Variants in SLC15A1 observed in about 807,000 individuals in gnomAD.
SLC15A1 encodes the protein Caco-2 oligopeptide transporter.
Under a neutral mutation model 92.9 loss-of-function variants are expected in SLC15A1, and 83 were observed. That is an observed-to-expected ratio of 0.89 (90% CI 0.75 to 1.07). The LOEUF is 1.07. Among genes scored for constraint, SLC15A1 ranks in the 50% least tolerant of loss-of-function variants. The pLI, the probability that SLC15A1 is intolerant of heterozygous loss-of-function variation, is 0.00. For synonymous variants in SLC15A1, 322 were observed against 318.2 expected (o/e 1.01, Z -0.13); for missense variants, 857 against 880.1 (o/e 0.97, Z 0.33).
chr13:98,700,565 T>G (rs575828312), intron 18 of SLC15A1, among the ~76,000 whole-genome samples: 2 of 151,788 alleles, frequency 1.3e-5, no homozygotes, highest in East Asian at 3.9e-4. Flanking sequence ...AAGTTTTTCT[T>G]CTATAGATTG....
chr13:98,695,810 A>G (rs1410252288), intron 18 of SLC15A1, among the ~76,000 whole-genome samples: 4 of 152,168 alleles, frequency 2.6e-5, no homozygotes, highest in East Asian at 1.9e-4. Flanking sequence ...TTTTGCTTAA[A>G]ATAGTATATA....
intron 8 of SLC15A1, among the ~76,000 whole-genome samples, chr13:98,718,199 GTTGCCAT>G (rs1356290782): frequency 6.6e-6 from 1 of 151,354 alleles, no homozygotes; most frequent in African/African-American, 2.4e-5. Context: ...ACTGAACCAG[GTTGCCAT>G]TTCTTCAAGC....
At chr13:98,716,886 G>A (rs1298756300) in intron 8 of SLC15A1, among the ~76,000 whole-genome samples, 2 of 151,968 alleles carry the variant, frequency 1.3e-5, no homozygotes, top group Non-Finnish European at 2.9e-5. Context: ...AAATAACTTA[G>A]AAAAAAACCA....
chr13:98,687,679 T>C lies in SLC15A1; in HGVS notation c.1729A>G (p.Asn577Asp). The C allele has an allele frequency of 1.2e-6, 2 of 1,614,174 alleles. No individual in the cohort carries two copies. The highest frequency in any genetic ancestry group is 1.1e-5 in the South Asian group (1 of 91,080). Residue 577 changes from asparagine (N) to aspartate (D), a missense_variant, in exon 21 of 23, where the codon AAC becomes GAC. Transcript: ENST00000376503. Reference protein sequence around the residue: ...EVKVFEDISANTVNMALQIPQ... With the variant: ...EVKVFEDISADTVNMALQIPQ... ...ATTTGCAGAGCCATGTTAACTGTGTTGGCTGAAATATCTTCAAACACCTTC... is the reference window on the plus strand; with the variant it reads ...ATTTGCAGAGCCATGTTAACTGTGTCGGCTGAAATATCTTCAAACACCTTC...
chr13:98,692,601 G>C (rs2087989220), intron 18 of SLC15A1, among the ~76,000 whole-genome samples: 1 of 152,028 alleles, frequency 6.6e-6, no homozygotes, highest in South Asian at 2.1e-4. Flanking sequence ...CCGTAATTTT[G>C]GTCAACATGG....
intron 1 of SLC15A1, among the ~76,000 whole-genome samples, chr13:98,729,771 C>T (rs571918635): frequency 1.6e-4 from 24 of 152,214 alleles, no homozygotes; most frequent in Non-Finnish European, 2.6e-4. Flanking sequence ...ACTCCCTTCC[C>T]GACCCTGACC....
Position 98,715,873 on chromosome 13 carries a change from C to A in SLC15A1, c.723+5G>T. ...GCCTTGAGAAAGAGCAGCTGAGATA[C>A]TTACACCGATGCACTTGGCCACTTT... is the stretch of plus-strand genomic sequence containing the variant. On this transcript the variant is annotated splice_donor_5th_base_variant and intron_variant, in intron 9 of 22. Transcript: ENST00000376503. The A allele has an allele frequency of 6.2e-7, 1 of 1,613,014 alleles. No individual in the cohort carries two copies. The highest frequency in any genetic ancestry group is 8.5e-7 in the Non-Finnish European group (1 of 1,178,944).
At chr13:98,748,097 G>A (rs1390598079) in intron 1 of SLC15A1, among the ~76,000 whole-genome samples, 3 of 152,082 alleles carry the variant, frequency 2.0e-5, no homozygotes, top group African/African-American at 7.2e-5. Context: ...CTCTAACTCG[G>A]AGTGGAAGAG....
At chr13:98,691,443 G>A (rs950739520) in intron 18 of SLC15A1, among the ~76,000 whole-genome samples, 5 of 152,312 alleles carry the variant, frequency 3.3e-5, no homozygotes, top group African/African-American at 9.6e-5. Context: ...TGTGAATAAT[G>A]CTGCAATGAA....
chr13:98,743,101 G>A (rs531176066), intron 1 of SLC15A1, among the ~76,000 whole-genome samples: 1 of 152,284 alleles, frequency 6.6e-6, no homozygotes, highest in East Asian at 1.9e-4. Flanking sequence ...TGAGGACACT[G>A]CTCATATTGA....
chr13:98,689,240 A>G (rs1027610221), intron 18 of SLC15A1, among the ~76,000 whole-genome samples: 2 of 152,126 alleles, frequency 1.3e-5, no homozygotes, highest in Non-Finnish European at 2.9e-5. Context: ...GCGCCTGGCC[A>G]GAAACTTTAG....
chr13:98,729,007 C>CCCCCAAAAAAAAAA, intron 1 of SLC15A1, among the ~76,000 whole-genome samples: 1 of 69,662 alleles, frequency 1.4e-5, no homozygotes, highest in African/African-American at 5.3e-5. Flanking sequence ...AAAAAAAAAA[C>CCCCCAAAAAAAAAA]AACAAGCCCC....
chr13:98,693,185 C>T (rs1330939677), intron 18 of SLC15A1, among the ~76,000 whole-genome samples: 1 of 149,540 alleles, frequency 6.7e-6, no homozygotes, highest in Non-Finnish European at 1.5e-5. Context: ...GCAACCTCCG[C>T]CTCCCGGGTT....
chr13:98,738,927 G>A (rs1256792453), intron 1 of SLC15A1, among the ~76,000 whole-genome samples: 1 of 152,252 alleles, frequency 6.6e-6, no homozygotes, highest in Non-Finnish European at 1.5e-5. Flanking sequence ...CAACATGTGA[G>A]AGCAACCTCT....
chr13:98,694,578 T>C (rs903992151), intron 18 of SLC15A1, among the ~76,000 whole-genome samples: 3 of 152,194 alleles, frequency 2.0e-5, no homozygotes, highest in African/African-American at 7.2e-5. Context: ...TAGAGAAACT[T>C]CATACATGTG....
chr13:98,742,495 G>A (rs1221566824), intron 1 of SLC15A1, among the ~76,000 whole-genome samples: 1 of 152,192 alleles, frequency 6.6e-6, no homozygotes, highest in African/African-American at 2.4e-5. Flanking sequence ...GAGTTTGCCA[G>A]GGCTGTCTTA....
At position 98,726,414 on chromosome 13, in the gene SLC15A1, G is replaced by T; in HGVS notation, c.57C>A (p.Ile19=). 4 of 1,614,098 alleles carry T rather than the reference G, an allele frequency of 2.5e-6. No homozygotes were observed. Among genetic ancestry groups the T allele is most frequent in the East Asian group, 4.5e-5 (2 of 44,876 alleles). The part of the protein sequence containing the change: ...FFGYPLSIFF[I]VVNEFCERFS... ...ATCTTTCGCAAAACTCATTGACCAC[G>T]ATGAAGAAGATGCTCAGGGGATAAC... Residue 19 remains isoleucine, a synonymous_variant, in exon 3 of 23, where the codon ATC becomes ATA. Transcript: ENST00000376503.
chr13:98,723,966 T>C lies in SLC15A1; in HGVS notation c.311A>G (p.Asn104Ser). Reference sequence around the variant, plus strand: ...ATCATGGTTGTGGTCTGTGAGGTCATTAATGGAGCTTACTGAGGTGACTGC... The same window carrying C: ...ATCATGGTTGTGGTCTGTGAGGTCACTAATGGAGCTTACTGAGGTGACTGC... ...GQAVTSVSSI[N>S]DLTDHNHDGT... Residue 104 changes from asparagine (N) to serine (S), a missense_variant, in exon 5 of 23, where the codon AAT becomes AGT. Transcript: ENST00000376503. 6.2e-7 allele frequency: 1 copy of C among 1,614,174 alleles called. No individual in the cohort carries two copies.
rs756475391 is a variant in SLC15A1 at position 98,721,920 on chromosome 13, G to A, written c.366-17C>T. On this transcript the variant is annotated splice_polypyrimidine_tract_variant and intron_variant, in intron 5 of 22. Transcript: ENST00000376503. ...GACAGCACCCTGGGAAAGACAGGGT[G>A]TTAGGGCCAACATGGCAGATCCTCG... 2 of 1,605,024 alleles carry A rather than the reference G, an allele frequency of 1.2e-6. No homozygotes were observed. Among genetic ancestry groups the A allele is most frequent in the Non-Finnish European group, 1.7e-6 (2 of 1,173,998 alleles).
Sources: gnomAD v4.1 joint callset for allele counts (sites outside exome capture counted in the v4.1 genomes callset) on GRCh38, gnomAD v4.1.1 for gene constraint, MANE v1.5 for transcripts, NCBI Gene and HGNC (gene_info 2026-07-23, HGNC 2026-07-21) for gene names.